MEGF11: variants seen among roughly 807,000 people sequenced by gnomAD.
MEGF11 encodes multiple EGF like domains 11, also known as multiple epidermal growth factor-like domains protein 11.
Under a neutral mutation model 146.6 loss-of-function variants are expected in MEGF11, and 126 were observed. The observed-to-expected ratio is 0.86, with a 90% CI of 0.74 to 1.00. The LOEUF is 1.00. Among genes scored for constraint, MEGF11 ranks in the 50% least tolerant of loss-of-function variants. The pLI, the probability that MEGF11 is intolerant of heterozygous loss-of-function variation, is 0.00. For missense variants in MEGF11, 1,509 were observed against 1,521.2 expected, an observed-to-expected ratio of 0.99 and a Z score of 0.13; for synonymous variants, 532 against 583.4, an observed-to-expected ratio of 0.91 and a Z score of 1.27.
intron 1 of MEGF11, among the ~76,000 whole-genome samples, chr15:66,237,814 T>C (rs1597169258): frequency 6.6e-6 from 1 of 152,192 alleles, no homozygotes; most frequent in Admixed American, 6.5e-5. Flanking sequence ...AGTGAACCAA[T>C]AAATCAATCT....
chr15:65,931,079 ATGGC>A, intron 10 of MEGF11, 136 bp from the exon 11 acceptor site: 1 of 1,128,154 alleles, frequency 8.9e-7, no homozygotes, highest in South Asian at 2.2e-5. Context: ...GTTACCTTAC[ATGGC>A]AAAAAGGGAC....
rs544243513 is a variant in MEGF11 at position 66,147,041 on chromosome 15, C to T, written c.-8-18630G>A. On this transcript the variant is annotated intron_variant, in intron 1 of 25. Transcript: ENST00000395614. ...TTCCTCACTGGGAATTGGGGATAAA[C>T]GGTAGCCCAATTGTAGCCGCTAGGT... 2.5e-4 allele frequency among the ~76,000 whole-genome samples: 38 copies of T among 152,272 alleles called. No homozygotes were observed. The East Asian group carries it at 5.6e-3, about 22-fold the overall frequency.
At chr15:66,192,741 G>A (rs1200155761) in intron 1 of MEGF11, among the ~76,000 whole-genome samples, 1 of 152,162 alleles carries the variant, frequency 6.6e-6, no homozygotes, top group East Asian at 1.9e-4. Context: ...AACATTATTG[G>A]AGATGAGGAG....
chr15:65,919,538 CA>C (rs370611354), intron 15 of MEGF11, among the ~76,000 whole-genome samples: 75 of 147,400 alleles, frequency 5.1e-4, no homozygotes, highest in Admixed American at 1.0e-3. Context: ...CACTTTATTG[CA>C]AAAAAAAAAT....
At position 66,246,214 on chromosome 15, in the gene MEGF11, G is replaced by A. The variant is rs138329190; in HGVS notation, c.-9+7391C>T. 3.8e-3 allele frequency among the ~76,000 whole-genome samples: 585 copies of A among 152,252 alleles called. 3 individuals carry two copies. Among genetic ancestry groups the A allele is most frequent in the African/African-American group, 0.013 (557 of 41,540 alleles). On this transcript the variant is annotated intron_variant, in intron 1 of 25. Transcript: ENST00000395614. The stretch of plus-strand genomic sequence containing the variant: ...AGAGTTTGCAATGAGCAGAGATCAC[G>A]CCATTGCTCTCCAGCCTGAGTGACA...
At chr15:65,999,153 T>C (rs923256511) in intron 5 of MEGF11, among the ~76,000 whole-genome samples, 1 of 151,874 alleles carries the variant, frequency 6.6e-6, no homozygotes, top group Non-Finnish European at 1.5e-5. Context: ...CATGTGATCC[T>C]CCTGAGTAGC....
intron 1 of MEGF11, among the ~76,000 whole-genome samples, chr15:66,208,062 G>T (rs984980787): frequency 1.3e-5 from 2 of 150,386 alleles, no homozygotes; most frequent in Middle Eastern, 3.4e-3. Context: ...TCCAGCCCAG[G>T]CAACAGAGTG....
chr15:66,094,624 TG>T (rs901419003), intron 4 of MEGF11, 130 bp from the exon 5 acceptor site: 19 of 716,432 alleles, frequency 2.7e-5, no homozygotes, highest in African/African-American at 1.8e-4. Context: ...ATGACTGGCT[TG>T]GGGGGGAAAA....
intron 9 of MEGF11, among the ~76,000 whole-genome samples, chr15:65,959,150 ATC>A (rs1325894144): frequency 6.6e-6 from 1 of 152,216 alleles, no homozygotes; most frequent in African/African-American, 2.4e-5. Context: ...CTGATTTATC[ATC>A]TGTCTTCTCC....
chr15:66,178,719 C>T (rs951581613), intron 1 of MEGF11, among the ~76,000 whole-genome samples: 4 of 152,120 alleles, frequency 2.6e-5, no homozygotes, highest in Non-Finnish European at 5.9e-5. Flanking sequence ...TTGCCTCACC[C>T]GGGTCCTGGG....
intron 1 of MEGF11, among the ~76,000 whole-genome samples, chr15:66,211,626 A>G (rs1001377648): frequency 1.3e-5 from 2 of 151,582 alleles, no homozygotes; most frequent in African/African-American, 4.8e-5. Flanking sequence ...GGGTGCTCCC[A>G]GGCAGAGGTG....
At chr15:65,956,497 T>C (rs1405465342) in intron 10 of MEGF11, among the ~76,000 whole-genome samples, 1 of 152,186 alleles carries the variant, frequency 6.6e-6, no homozygotes, top group East Asian at 1.9e-4. Flanking sequence ...GAATCACTGG[T>C]CCAAGGTCAC....
chr15:65,922,685 A>C, intron 14 of MEGF11, 138 bp downstream of exon 14: 2 of 1,265,828 alleles, frequency 1.6e-6, no homozygotes, highest in Non-Finnish European at 2.1e-6. Context: ...AGAACTGCAG[A>C]GGGAGAGACT....
intron 1 of MEGF11, among the ~76,000 whole-genome samples, chr15:66,253,103 C>T (rs2092398817): frequency 6.6e-6 from 1 of 152,238 alleles, no homozygotes; most frequent in African/African-American, 2.4e-5. Context: ...GGCGCATCGC[C>T]GGCCGCCGCC....
intron 5 of MEGF11, among the ~76,000 whole-genome samples, chr15:65,984,547 A>AAAAAAAT (rs1414753011): frequency 6.7e-6 from 1 of 150,024 alleles, no homozygotes; most frequent in African/African-American, 2.5e-5. Flanking sequence ...AAAAAAAAAA[A>AAAAAAAT]AAAGGCTCAC....
At chr15:66,162,490 A>G (rs975996740) in intron 1 of MEGF11, among the ~76,000 whole-genome samples, 8 of 152,230 alleles carry the variant, frequency 5.3e-5, no homozygotes, top group African/African-American at 1.9e-4. Context: ...CACAACAAAA[A>G]TGACGTTATG....
chr15:66,104,355 G>GAAAAAAAAAAAAAAA (rs2086967770), intron 4 of MEGF11, among the ~76,000 whole-genome samples: 1 of 152,208 alleles, frequency 6.6e-6, no homozygotes, highest in Non-Finnish European at 1.5e-5. Context: ...TGCAGTCTAG[G>GAAAAAAAAAAAAAAA]AAGAAATGGC....
In MEGF11 at chr15:65,982,501, G is replaced by GGAC; in HGVS notation, c.395-16_395-14dup. On this transcript the variant is annotated splice_polypyrimidine_tract_variant and intron_variant, in intron 5 of 25. Coordinates refer to ENST00000395614, the MANE Select transcript of MEGF11 (RefSeq NM_001385028.1). The surrounding 1 kb of genome is among the most constrained non-coding windows in gnomAD (Gnocchi z 5.6). Reference sequence around the variant, plus strand: ...TCGCTGTCGCAGCCTGCAAGAGACGGGACAGTCAGGGATCAGGAGCCCCGA... The same window carrying GGAC: ...TCGCTGTCGCAGCCTGCAAGAGACGGGACGACAGTCAGGGATCAGGAGCCCCGA... 1 of 1,466,366 alleles carries GGAC rather than the reference G, an allele frequency of 6.8e-7. No individual in the cohort carries two copies. The highest frequency in any genetic ancestry group is 9.0e-7 in the Non-Finnish European group (1 of 1,110,156). The allele number at this position is 1,466,366 out of a possible 1,614,324, so 90.8% of individuals were successfully genotyped here. A position where few individuals can be genotyped will look rare whatever the true frequency, so the allele number is the denominator to read the frequency against.
At chr15:66,153,033 C>T (rs2089627598) in intron 1 of MEGF11, among the ~76,000 whole-genome samples, 1 of 152,272 alleles carries the variant, frequency 6.6e-6, no homozygotes, top group Admixed American at 6.5e-5. Flanking sequence ...ACACCTCCAG[C>T]CCCACCTTCT....
Sources: allele counts gnomAD v4.1 joint callset (sites outside exome capture counted in the v4.1 genomes callset), GRCh38; gene constraint gnomAD v4.1.1; non-coding constraint Gnocchi (gnomAD v3.1); transcripts MANE v1.5; gene names NCBI Gene and HGNC (gene_info 2026-07-23, HGNC 2026-07-21).